The following SHROOM4 variants were observed in gnomAD, a reference collection of about 807,000 sequenced individuals.
The protein encoded by SHROOM4 is protein Shroom4.
Under a neutral mutation model 80.3 loss-of-function variants are expected in SHROOM4, and 17 were observed. The ratio of observed to expected loss-of-function variants is 0.21; its 90% CI spans 0.14 to 0.32. The LOEUF (loss-of-function observed/expected upper bound fraction) is 0.32. Ranked by LOEUF, SHROOM4 falls within the 10% of genes least tolerant of loss-of-function variation. The pLI is 1.00. For synonymous variants in SHROOM4, 400 were observed against 437.5 expected, an observed-to-expected ratio of 0.91 and a Z score of 1.07; for missense variants, 993 against 1,140.3, an observed-to-expected ratio of 0.87 and a Z score of 1.86.
chrX:50,714,149 T>A (rs1352909395), intron 1 of SHROOM4, among the ~76,000 whole-genome samples: 1 of 112,019 alleles, frequency 8.9e-6, no homozygotes, highest in Non-Finnish European at 1.9e-5. Flanking sequence ...CATGGCTTTA[T>A]TTCTGGGTTC....
rs782122868 is a variant in SHROOM4, at chrX:50,595,137, T to C, written c.*1558A>G. 1.8e-5 allele frequency: 2 copies of C among 112,645 alleles called. No homozygotes were observed. Among genetic ancestry groups the C allele is most frequent in the South Asian group, 7.5e-4 (2 of 2,655 alleles). 9.3% of individuals were successfully genotyped at this position (112,645 alleles called of 1,213,427 possible). A position where few individuals can be genotyped will look rare whatever the true frequency, so the allele number is the denominator to read the frequency against. ...GGCTGGGTTGTGTGATACCAAGGAT[T>C]GGCCCCAGTTAGTGAGGAACAGGGA... On this transcript the variant is annotated 3_prime_UTR_variant, in exon 9 of 9. Transcript: ENST00000376020.
At chrX:50,648,940 A>G (rs1181851448) in intron 2 of SHROOM4, among the ~76,000 whole-genome samples, 1 of 111,982 alleles carries the variant, frequency 8.9e-6, no homozygotes, top group Non-Finnish European at 1.9e-5. Context: ...GAAAGTTATT[A>G]TGGTAGCCAT....
intron 1 of SHROOM4, among the ~76,000 whole-genome samples, chrX:50,757,616 A>G (rs1935064885): frequency 9.0e-6 from 1 of 111,591 alleles, no homozygotes; most frequent in African/African-American, 3.3e-5. Flanking sequence ...TGAGGTCAGG[A>G]TATCGAGATC....
At chrX:50,750,236 C>A (rs1382140814) in intron 1 of SHROOM4, among the ~76,000 whole-genome samples, 2 of 111,880 alleles carry the variant, frequency 1.8e-5, no homozygotes, top group Non-Finnish European at 3.8e-5. Flanking sequence ...AGGAAGTGTC[C>A]AAAGGGCTTC....
rs373003318 is a variant in SHROOM4, at chrX:50,633,657, G to A, written c.2416C>T (p.Pro806Ser). 2.5e-4 allele frequency: 306 copies of A among 1,210,359 alleles called. 1 individual carries two copies. In the South Asian group the frequency reaches 4.2e-3, roughly 17 times the overall value. The change falls in exon 4 of 9, where the codon CCT (proline) becomes TCT (serine). Residue 806 changes from proline (P) to serine (S), a missense_variant. Coordinates refer to ENST00000376020, the MANE Select transcript of SHROOM4 (RefSeq NM_020717.5). ...SNKTFTQRPK[P>S]IDQNFQPMSS... is the part of the protein sequence containing the mutation. ...ATTGGCTGGAAGTTTTGGTCTATAG[G>A]TTTTGGTCTCTGGGTAAAAGTCTTG...
At chrX:50,794,871 T>A (rs1311840858) in intron 1 of SHROOM4, among the ~76,000 whole-genome samples, 1 of 101,655 alleles carries the variant, frequency 9.8e-6, no homozygotes, top group East Asian at 3.0e-4. Flanking sequence ...TGGCTCCCAG[T>A]ATATATATGT....
At chrX:50,663,378 A>G (rs782375365) in intron 2 of SHROOM4, among the ~76,000 whole-genome samples, 1 of 111,559 alleles carries the variant, frequency 9.0e-6, no homozygotes, top group South Asian at 3.8e-4. Context: ...TGGCTTTGAA[A>G]TATCTTCACC....
In SHROOM4 at chrX:50,686,610, T is replaced by A. The variant is rs782630020; in HGVS notation, c.269+9176A>T. Reference sequence around the variant, plus strand: ...GACTTGAAAAATATATGTATATATTTTATATATACACATATTTTATATGTG... The same window carrying A: ...GACTTGAAAAATATATGTATATATTATATATATACACATATTTTATATGTG... On this transcript the variant is annotated intron_variant, in intron 2 of 8. Coordinates refer to ENST00000376020, the MANE Select transcript of SHROOM4 (RefSeq NM_020717.5). 2.7e-5 allele frequency among the ~76,000 whole-genome samples: 3 copies of A among 111,521 alleles called. No homozygotes were observed. The South Asian group carries it at 1.1e-3, about 42-fold the overall frequency.
intron 1 of SHROOM4, among the ~76,000 whole-genome samples, chrX:50,756,126 C>G (rs1569548577): frequency 1.8e-5 from 2 of 111,243 alleles, no homozygotes; most frequent in African/African-American, 6.5e-5. Flanking sequence ...AAACAGAAAC[C>G]TTGTGCAATT....
chrX:50,791,996 A>C (rs1480413755), intron 1 of SHROOM4, among the ~76,000 whole-genome samples: 1 of 111,633 alleles, frequency 9.0e-6, no homozygotes, highest in African/African-American at 3.3e-5. Context: ...ACTGGATATC[A>C]AACCACTTTC....
intron 1 of SHROOM4, among the ~76,000 whole-genome samples, chrX:50,805,308 A>C (rs1261417692): frequency 1.8e-5 from 2 of 111,417 alleles, no homozygotes; most frequent in African/African-American, 6.5e-5. Flanking sequence ...GGACCGTGAA[A>C]GGCAGTATAG....
intron 2 of SHROOM4, among the ~76,000 whole-genome samples, chrX:50,694,522 C>G (rs1218656063): frequency 7.8e-5 from 2 of 25,489 alleles, no homozygotes; most frequent in Non-Finnish European, 1.7e-4. Flanking sequence ...CTATTCAGGT[C>G]TTTGCCCATT....
At chrX:50,694,543 ATTTT>A (rs782530547) in intron 2 of SHROOM4, among the ~76,000 whole-genome samples, 10 of 12,493 alleles carry the variant, frequency 8.0e-4, no homozygotes, top group East Asian at 3.9e-3. Context: ...TTTAAGTTGG[ATTTT>A]TTTTTTTTTT....
intron 2 of SHROOM4, among the ~76,000 whole-genome samples, chrX:50,683,710 A>T (rs782588439): frequency 5.6e-4 from 62 of 111,706 alleles, no homozygotes; most frequent in African/African-American, 2.0e-3. Context: ...TAATGACTTT[A>T]ACATATAGAG....
In SHROOM4 at chrX:50,667,894, C is replaced by T. The variant is rs1210546336; in HGVS notation, c.269+27892G>A. The stretch of plus-strand genomic sequence containing the variant: ...AAATATAAGCCCCAATAAGAGCCTG[C>T]TCTCACTATCCAGAGGACTGGGAGA... On this transcript the variant is annotated intron_variant, in intron 2 of 8. Coordinates refer to ENST00000376020, the MANE Select transcript of SHROOM4 (RefSeq NM_020717.5). 4.5e-5 allele frequency among the ~76,000 whole-genome samples: 5 copies of T among 111,306 alleles called. No homozygotes were observed. In the Admixed American group the frequency reaches 4.8e-4, roughly 11 times the overall value.
intron 5 of SHROOM4, among the ~76,000 whole-genome samples, chrX:50,609,272 AT>A (rs1163684974): frequency 7.2e-5 from 8 of 110,354 alleles, no homozygotes; most frequent in Non-Finnish European, 1.1e-4. Context: ...AAAAAAAAAA[AT>A]ATCCTAATGC....
At chrX:50,623,904 G>A (rs1382402994) in intron 5 of SHROOM4, among the ~76,000 whole-genome samples, 1 of 111,926 alleles carries the variant, frequency 8.9e-6, no homozygotes, top group Non-Finnish European at 1.9e-5. Context: ...AGTGAAAGGA[G>A]TCAGGCATAA....
intron 8 of SHROOM4, 57 bp from the exon 9 acceptor site, chrX:50,597,021 A>G: frequency 6.0e-6 from 7 of 1,160,732 alleles, no homozygotes; most frequent in Non-Finnish European, 8.1e-6. Flanking sequence ...TCTGTCCAAC[A>G]GTGCTGCCTA....
intron 2 of SHROOM4, among the ~76,000 whole-genome samples, chrX:50,679,322 A>G (rs1557261593): frequency 9.0e-6 from 1 of 111,580 alleles, no homozygotes. Flanking sequence ...AATTATCCTT[A>G]TCCTTAACAA....
Sources: gnomAD v4.1 joint callset for allele counts (sites outside exome capture counted in the v4.1 genomes callset) on GRCh38, gnomAD v4.1.1 for gene constraint, MANE v1.5 for transcripts, NCBI Gene and HGNC (gene_info 2026-07-23, HGNC 2026-07-21) for gene names.